The following FBN2 variants were observed in gnomAD, a reference collection of about 807,000 sequenced individuals.
FBN2 encodes the protein fibrillin-2.
Under a neutral mutation model 355.6 loss-of-function variants are expected in FBN2, and 105 were observed. The ratio of observed to expected loss-of-function variants is 0.30; its 90% confidence interval spans 0.25 to 0.35. The LOEUF (loss-of-function observed/expected upper bound fraction) is 0.35, where lower values mean the gene tolerates loss of function less well. Among genes scored for constraint, FBN2 ranks in the 10% least tolerant of loss-of-function variants. The pLI is 1.00. For missense variants in FBN2, 3,280 were observed against 3,758.7 expected, an observed-to-expected ratio of 0.87 and a Z score of 3.33; for synonymous variants, 1,350 against 1,301.2, an observed-to-expected ratio of 1.04 and a Z score of -0.81.
chr5:128,271,923 C>G, intron 62 of FBN2, 76 bp downstream of exon 62: 1 of 1,563,374 alleles, frequency 6.4e-7, no homozygotes, highest in Admixed American at 1.7e-5. Context: ...AATCTCAACC[C>G]TCACAATTTG....
At chr5:128,349,284 T>C in intron 23 of FBN2, 63 bp downstream of exon 23, 1 of 1,606,720 alleles carries the variant, frequency 6.2e-7, no homozygotes, top group South Asian at 1.1e-5. Flanking sequence ...GACTAGCCAC[T>C]GCTTAAACAA....
intron 62 of FBN2, among the ~76,000 whole-genome samples, 188 bp downstream of exon 62, chr5:128,271,807 CTTTT>C (rs926087154): frequency 6.6e-6 from 1 of 151,546 alleles, no homozygotes; most frequent in Non-Finnish European, 1.5e-5. Flanking sequence ...TAAAAACAAA[CTTTT>C]TTTTTAATAG....
At chr5:128,426,652 G>C (rs141388601) in intron 7 of FBN2, among the ~76,000 whole-genome samples, 724 of 152,234 alleles carry the variant, frequency 4.8e-3, no homozygotes, top group Non-Finnish European at 7.9e-3. Context: ...TTCAGTTAAA[G>C]CTTCCCTTCT....
chr5:128,507,409 C>T (rs1325956518), intron 5 of FBN2, among the ~76,000 whole-genome samples: 1 of 152,020 alleles, frequency 6.6e-6, no homozygotes, highest in African/African-American at 2.4e-5. Context: ...CACCCATACA[C>T]TTTAAATAAG....
At chr5:128,303,615 G>T (rs1749779977) in intron 45 of FBN2, among the ~76,000 whole-genome samples, 1 of 152,074 alleles carries the variant, frequency 6.6e-6, no homozygotes, top group African/African-American at 2.4e-5. Context: ...ATTTAGAAAG[G>T]TCATTCATCA....
intron 5 of FBN2, among the ~76,000 whole-genome samples, chr5:128,485,520 AG>A (rs1222568392): frequency 6.6e-6 from 1 of 152,120 alleles, no homozygotes. Flanking sequence ...GAACAAGGGA[AG>A]ATCTCAAACT....
intron 56 of FBN2, 94 bp downstream of exon 56, chr5:128,280,098 A>G: frequency 9.9e-7 from 1 of 1,009,628 alleles, no homozygotes; most frequent in Non-Finnish European, 1.6e-6. Context: ...GGATTTGTTT[A>G]GCAGACAAGA....
intron 15 of FBN2, among the ~76,000 whole-genome samples, 191 bp downstream of exon 15, chr5:128,374,437 T>C (rs1752028833): frequency 1.3e-5 from 2 of 152,204 alleles, no homozygotes; most frequent in Non-Finnish European, 2.9e-5. Flanking sequence ...AGATTTCATA[T>C]GGATGGAATC....
intron 5 of FBN2, among the ~76,000 whole-genome samples, chr5:128,517,949 A>T (rs1481441352): frequency 1.3e-5 from 2 of 152,120 alleles, no homozygotes; most frequent in East Asian, 3.9e-4. Flanking sequence ...TTTTAGCTCA[A>T]GTTTGTTTTT....
intron 34 of FBN2, among the ~76,000 whole-genome samples, chr5:128,324,608 G>A (rs1201099363): frequency 6.8e-6 from 1 of 147,122 alleles, no homozygotes; most frequent in African/African-American, 2.5e-5. Context: ...GAGTGAGTTT[G>A]TTTTCTTTTT....
chr5:128,519,293 G>A lies in FBN2; in HGVS notation c.608C>T (p.Thr203Ile). The A allele has an allele frequency of 6.2e-7, 1 of 1,613,318 alleles. No homozygotes were observed. The highest frequency in any genetic ancestry group is 8.5e-7 in the Non-Finnish European group (1 of 1,179,418). Residue 203 changes from threonine to isoleucine, a missense_variant, in exon 5 of 65, where the codon ACT becomes ATT. Physicochemically the swap from Thr to Ile is moderately conservative, Grantham distance 89 (BLOSUM62 -1). Transcript: ENST00000262464. The part of the protein sequence containing the change: ...PNRCACVYGF[T>I]GPQCERDYRT... Reference sequence around the variant, plus strand: ...CTTACCTCTTTCACACTGTGGACCAGTGAACCCATAAACACAAGCACAGCG... The same window carrying A: ...CTTACCTCTTTCACACTGTGGACCAATGAACCCATAAACACAAGCACAGCG...
intron 11 of FBN2, among the ~76,000 whole-genome samples, chr5:128,386,935 T>A (rs915117899): frequency 4.6e-5 from 7 of 152,264 alleles, no homozygotes; most frequent in South Asian, 2.1e-4. Flanking sequence ...GGTGTTGGTA[T>A]AAGAATAATT....
rs1215554338 is a variant in FBN2 at position 128,259,415 on chromosome 5, C to T, written c.*40G>A. 6.2e-7 allele frequency: 1 copy of T among 1,610,764 alleles called. No homozygotes were observed. The highest frequency in any genetic ancestry group is 1.3e-5 in the African/African-American group (1 of 74,818). On this transcript the variant is annotated 3_prime_UTR_variant, in exon 65 of 65. Coordinates refer to ENST00000262464, the MANE Select transcript of FBN2 (RefSeq NM_001999.4). ...CTTTTCAAATGCTTCTGCAGACTGG[C>T]TGTGCTAGGATTTGAGCCTGGGCCC...
At chr5:128,357,453 A>T in intron 19 of FBN2, 58 bp from the exon 20 acceptor site, 1 of 1,605,762 alleles carries the variant, frequency 6.2e-7, no homozygotes, top group Non-Finnish European at 8.5e-7. Flanking sequence ...GGAAAATATT[A>T]TTCCAACAAG....
At chr5:128,278,028 C>A (rs375822966) in intron 57 of FBN2, 23 bp from the exon 58 acceptor site, 1 of 1,613,394 alleles carries the variant, frequency 6.2e-7, no homozygotes. Context: ...ACAACAAAAA[C>A]AATCAGGAGT....
intron 57 of FBN2, 48 bp from the exon 58 acceptor site, chr5:128,278,053 G>A: frequency 1.9e-6 from 3 of 1,595,954 alleles, no homozygotes; most frequent in East Asian, 4.5e-5. Flanking sequence ...ATATATGCAA[G>A]GGTAAAACTG....
At chr5:128,349,593 G>A in intron 22 of FBN2, 121 bp from the exon 23 acceptor site, 1 of 1,238,752 alleles carries the variant, frequency 8.1e-7, no homozygotes, top group Non-Finnish European at 1.2e-6. Context: ...TATTACTTGA[G>A]TTAAACAGAA....
intron 48 of FBN2, among the ~76,000 whole-genome samples, chr5:128,300,247 C>G (rs1749676140): frequency 6.6e-6 from 1 of 152,196 alleles, no homozygotes; most frequent in Non-Finnish European, 1.5e-5. Context: ...ATAAAGTGAA[C>G]TGTAAAAAAG....
intron 25 of FBN2, 134 bp downstream of exon 25, chr5:128,344,251 T>TA: frequency 1.1e-6 from 1 of 952,142 alleles, no homozygotes; most frequent in Non-Finnish European, 1.6e-6. Context: ...ACCTTTTCTC[T>TA]AAAAAGAAAT....
Sources: gnomAD v4.1 joint callset for allele counts (sites outside exome capture counted in the v4.1 genomes callset) on GRCh38, gnomAD v4.1.1 for gene constraint, MANE v1.5 for transcripts, NCBI Gene and HGNC (gene_info 2026-07-23, HGNC 2026-07-21) for gene names.